The following GOLPH3L variants were observed in gnomAD, a reference collection of about 807,000 sequenced individuals.
GOLPH3L encodes the protein golgi phosphoprotein 3 like, also known as Golgi phosphoprotein 3-like.
GOLPH3L carries 22 observed loss-of-function variants against 30.3 expected under a neutral mutation model. The observed-to-expected ratio is 0.73, with a 90% CI of 0.52 to 1.04. The LOEUF (loss-of-function observed/expected upper bound fraction) is 1.04. GOLPH3L is among the 50% of genes least tolerant of loss of function. GOLPH3L has a pLI of 0.00. For synonymous variants in GOLPH3L, 120 were observed against 128.2 expected (o/e 0.94, Z 0.43); for missense variants, 303 against 345.8 (o/e 0.88, Z 0.98).
chr1:150,651,642 C>CAAAAAAAAAAAAAAAAAAAAAAGAACA (rs1650108026), intron 4 of GOLPH3L, among the ~76,000 whole-genome samples: 1 of 60,852 alleles, frequency 1.6e-5, no homozygotes, highest in Non-Finnish European at 3.0e-5. Context: ...GAGCGAAACT[C>CAAAAAAAAAAAAAAAAAAAAAAGAACA]AAAAAAAAAA....
At chr1:150,655,628 G>T (rs1379392735) in intron 4 of GOLPH3L, among the ~76,000 whole-genome samples, 1 of 152,208 alleles carries the variant, frequency 6.6e-6, no homozygotes, top group East Asian at 1.9e-4. Context: ...ATGGTTAACA[G>T]ATAAGCCAAT....
intron 2 of GOLPH3L, among the ~76,000 whole-genome samples, chr1:150,670,835 C>T (rs1291227502): frequency 1.3e-5 from 2 of 152,194 alleles, no homozygotes; most frequent in African/African-American, 2.4e-5. Flanking sequence ...AAATATACTT[C>T]TTCATCCCTT....
At chr1:150,683,771 AG>A (rs1410625835) in intron 2 of GOLPH3L, among the ~76,000 whole-genome samples, 5 of 145,904 alleles carry the variant, frequency 3.4e-5, no homozygotes, top group Non-Finnish European at 7.5e-5. Context: ...CTTGAGCTGG[AG>A]AAAAAAAATC....
intron 2 of GOLPH3L, among the ~76,000 whole-genome samples, chr1:150,684,837 T>A (rs1272876235): frequency 6.6e-6 from 1 of 152,078 alleles, no homozygotes; most frequent in Non-Finnish European, 1.5e-5. Flanking sequence ...CCAGCTAATT[T>A]TTGTATTATT....
intron 2 of GOLPH3L, among the ~76,000 whole-genome samples, chr1:150,679,221 T>C (rs945820360): frequency 3.3e-5 from 5 of 152,148 alleles, no homozygotes; most frequent in African/African-American, 1.2e-4. Flanking sequence ...GATGCATACA[T>C]AGAATGGGCA....
intron 2 of GOLPH3L, among the ~76,000 whole-genome samples, chr1:150,679,910 G>A (rs946879516): frequency 3.9e-5 from 6 of 152,006 alleles, no homozygotes; most frequent in Non-Finnish European, 7.4e-5. Flanking sequence ...TTCGAGACCC[G>A]CCTGGCTAAC....
rs147675701 is a variant in GOLPH3L, at chr1:150,685,994, C to T, written c.183+8662G>A. On this transcript the variant is annotated intron_variant, in intron 2 of 4. Coordinates refer to ENST00000271732, the MANE Select transcript of GOLPH3L (RefSeq NM_018178.6). ...GGTTCAAGCAATTCTCCTGCCTCAGCCTCCCGAGTAGCTGAGATTACAGGT... is the reference window on the plus strand; with the variant it reads ...GGTTCAAGCAATTCTCCTGCCTCAGTCTCCCGAGTAGCTGAGATTACAGGT... 8.1e-3 allele frequency among the ~76,000 whole-genome samples: 1,224 copies of T among 151,130 alleles called. 9 individuals carry two copies. The highest frequency in any genetic ancestry group is 0.011 in the Non-Finnish European group (734 of 67,822).
intron 2 of GOLPH3L, among the ~76,000 whole-genome samples, chr1:150,687,767 C>A (rs1260785330): frequency 6.6e-6 from 1 of 151,918 alleles, no homozygotes; most frequent in Non-Finnish European, 1.5e-5. Flanking sequence ...CGTATAATTC[C>A]CATACGTATA....
chr1:150,688,302 AAC>A (rs1379303505), intron 2 of GOLPH3L, among the ~76,000 whole-genome samples: 7 of 152,248 alleles, frequency 4.6e-5, no homozygotes. Flanking sequence ...TCAGTTTTAA[AAC>A]ACTGGAGTTC....
intron 4 of GOLPH3L, among the ~76,000 whole-genome samples, chr1:150,652,393 A>C (rs1650126108): frequency 1.3e-5 from 2 of 149,360 alleles, no homozygotes; most frequent in African/African-American, 2.4e-5. Flanking sequence ...AAAAAAAAAA[A>C]AAAAAAAAAA....
At chr1:150,684,616 G>A (rs1339110433) in intron 2 of GOLPH3L, among the ~76,000 whole-genome samples, 1 of 152,122 alleles carries the variant, frequency 6.6e-6, no homozygotes, top group Non-Finnish European at 1.5e-5. Flanking sequence ...GCTGAAGAGT[G>A]AACTGACAAG....
intron 3 of GOLPH3L, 124 bp from the exon 4 acceptor site, chr1:150,662,052 G>A (rs1406173424): frequency 1.6e-6 from 1 of 631,018 alleles, no homozygotes; most frequent in East Asian, 2.7e-5. Flanking sequence ...ATAATATACT[G>A]TCTCTGTCCT....
intron 2 of GOLPH3L, among the ~76,000 whole-genome samples, chr1:150,671,403 C>T (rs1196555150): frequency 6.6e-6 from 1 of 152,064 alleles, no homozygotes. Context: ...GCTGAATTTC[C>T]ACTTAGTCAA....
chr1:150,692,957 G>A (rs1212446995), intron 2 of GOLPH3L, among the ~76,000 whole-genome samples: 3 of 152,170 alleles, frequency 2.0e-5, no homozygotes, highest in Admixed American at 6.6e-5. Flanking sequence ...TAGGTAATGT[G>A]TAAACGTCTC....
chr1:150,648,326 ATTTAT>A lies in GOLPH3L; in HGVS notation c.848_852del (p.Asn283IlefsTer57). ...GAGAAATCCACCTGCCGGCTTTAAGATTTATTGAAGGCTGCCAGCACAGCCCAGAT... is the reference window on the plus strand; with the variant it reads ...GAGAAATCCACCTGCCGGCTTTAAGATGAAGGCTGCCAGCACAGCCCAGAT... On this transcript the variant is annotated frameshift_variant, in exon 5 of 5. Coordinates refer to ENST00000271732, the MANE Select transcript of GOLPH3L (RefSeq NM_018178.6). LOFTEE classifies it high-confidence loss of function. 1 of 1,589,038 alleles carries A rather than the reference ATTTAT, an allele frequency of 6.3e-7. No homozygotes were observed. Among genetic ancestry groups the A allele is most frequent in the South Asian group, 1.1e-5 (1 of 88,172 alleles).
Position 150,648,587 on chromosome 1 carries a change from G to T in GOLPH3L, c.592C>A (p.Arg198=). 6.2e-7 allele frequency: 1 copy of T among 1,613,872 alleles called. No individual in the cohort carries two copies. Among genetic ancestry groups the T allele is most frequent in the East Asian group, 2.2e-5 (1 of 44,876 alleles). The part of the protein sequence containing the change: ...HPVTNTTEKQ[R]LVKKLQDSVL... ...CTATCTTGAAGTTTTTTCACTAGTC[G>T]CTGTTTCTCTGTTGTATTGGTCACT... Residue 198 remains arginine, a synonymous_variant, in exon 5 of 5, where the codon CGA becomes AGA. Transcript: ENST00000271732.
In GOLPH3L at chr1:150,649,026, A is replaced by G. The variant is rs587671589; in HGVS notation, c.431-278T>C. Among the ~76,000 whole-genome samples the G allele has an allele frequency of 4.6e-5, 7 of 152,122 alleles. No homozygotes were observed. The East Asian group carries it at 1.4e-3, about 29-fold the overall frequency. ...TCTGTGACACTGTAATTATTTATGT[A>G]TTTTTCAAATTCTATTTAGGACACC... On this transcript the variant is annotated intron_variant, in intron 4 of 4. Transcript: ENST00000271732.
At chr1:150,659,264 G>C (rs1190268485) in intron 4 of GOLPH3L, among the ~76,000 whole-genome samples, 1 of 152,166 alleles carries the variant, frequency 6.6e-6, no homozygotes, top group Non-Finnish European at 1.5e-5. Context: ...CCATAAACTG[G>C]CCCCAAAACT....
chr1:150,649,853 C>T (rs768832822), intron 4 of GOLPH3L, among the ~76,000 whole-genome samples: 1 of 152,080 alleles, frequency 6.6e-6, no homozygotes, highest in East Asian at 1.9e-4. Context: ...TAATAATAGC[C>T]GGGTGTGGTG....
Sources: allele counts gnomAD v4.1 joint callset (sites outside exome capture counted in the v4.1 genomes callset), GRCh38; gene constraint gnomAD v4.1.1; transcripts MANE v1.5; gene names NCBI Gene and HGNC (gene_info 2026-07-23, HGNC 2026-07-21).